The following JAKMIP2 variants were observed in gnomAD, a reference collection of about 807,000 sequenced individuals.
The protein encoded by JAKMIP2 is janus kinase and microtubule interacting protein 2.
JAKMIP2 carries 25 observed loss-of-function variants against 115.0 expected under a neutral mutation model. That is an observed-to-expected ratio of 0.22 (90% CI 0.16 to 0.30). The LOEUF (loss-of-function observed/expected upper bound fraction) is 0.30. JAKMIP2 is among the 10% of genes least tolerant of loss of function. The pLI is 1.00. For synonymous variants in JAKMIP2, 334 were observed against 343.6 expected (o/e 0.97, Z 0.31); for missense variants, 642 against 957.6 (o/e 0.67, Z 4.35).
At chr5:147,730,381 C>G (rs765866805) in intron 1 of JAKMIP2, among the ~76,000 whole-genome samples, 1 of 152,078 alleles carries the variant, frequency 6.6e-6, no homozygotes, top group Non-Finnish European at 1.5e-5. Context: ...CATCTGATCA[C>G]CCTCAATATA....
chr5:147,742,879 C>T (rs936983335), intron 1 of JAKMIP2, among the ~76,000 whole-genome samples: 2 of 151,808 alleles, frequency 1.3e-5, no homozygotes, highest in African/African-American at 4.8e-5. Context: ...AAAAAAAAGT[C>T]TAGCACAATT....
chr5:147,695,847 T>C (rs1200766017), intron 1 of JAKMIP2, among the ~76,000 whole-genome samples: 2 of 152,182 alleles, frequency 1.3e-5, no homozygotes, highest in East Asian at 1.9e-4. Flanking sequence ...TTATATATAA[T>C]AGAAACTTTT....
intron 1 of JAKMIP2, among the ~76,000 whole-genome samples, chr5:147,721,646 G>C (rs1188800823): frequency 3.3e-5 from 5 of 152,194 alleles, no homozygotes; most frequent in Non-Finnish European, 7.4e-5. Context: ...CTTTGACTCG[G>C]AAAGGGAACT....
At chr5:147,606,070 T>A (rs1436255687) in intron 20 of JAKMIP2, among the ~76,000 whole-genome samples, 2 of 152,230 alleles carry the variant, frequency 1.3e-5, no homozygotes, top group East Asian at 3.8e-4. Flanking sequence ...TCCCTGTAGA[T>A]TCTGGATAAC....
At chr5:147,688,066 C>A (rs1010792953) in intron 1 of JAKMIP2, among the ~76,000 whole-genome samples, 1 of 152,080 alleles carries the variant, frequency 6.6e-6, no homozygotes, top group Admixed American at 6.5e-5. Context: ...CTCTTAGGAC[C>A]AGAAACACAA....
intron 1 of JAKMIP2, among the ~76,000 whole-genome samples, chr5:147,775,236 C>G (rs1435185720): frequency 6.6e-6 from 1 of 152,140 alleles, no homozygotes; most frequent in East Asian, 1.9e-4. Flanking sequence ...TTTCAAAACT[C>G]TCATGAAAGC....
intron 12 of JAKMIP2, among the ~76,000 whole-genome samples, chr5:147,635,353 A>G (rs988675573): frequency 4.6e-5 from 7 of 152,132 alleles, no homozygotes; most frequent in Non-Finnish European, 1.0e-4. Context: ...TTTGTTGAGT[A>G]ATTTCCAGGA....
At chr5:147,767,058 AGT>A (rs1200862404) in intron 1 of JAKMIP2, among the ~76,000 whole-genome samples, 2 of 152,168 alleles carry the variant, frequency 1.3e-5, no homozygotes, top group African/African-American at 4.8e-5. Flanking sequence ...AGAAAACAGT[AGT>A]CAATTCCTTT....
At chr5:147,643,680 A>C (rs1279217992) in intron 7 of JAKMIP2, among the ~76,000 whole-genome samples, 6 of 152,192 alleles carry the variant, frequency 3.9e-5, no homozygotes, top group Non-Finnish European at 8.8e-5. Flanking sequence ...CCTGGGAAAC[A>C]AGGTATATAT....
In JAKMIP2 at chr5:147,586,750, C is replaced by G. The variant is rs1236586355; in HGVS notation, c.*4957G>C. On this transcript the variant is annotated 3_prime_UTR_variant, in exon 22 of 22. Coordinates refer to ENST00000616793, the MANE Select transcript of JAKMIP2 (RefSeq NM_001270941.2). ...AGTTTTTTTCCTCTCTCCCTCTTTTCTTTCTTTCTTTTTTTTTTTTTTTTT... is the reference window on the plus strand; with the variant it reads ...AGTTTTTTTCCTCTCTCCCTCTTTTGTTTCTTTCTTTTTTTTTTTTTTTTT... The G allele has an allele frequency of 1.6e-5, 2 of 122,038 alleles. No homozygotes were observed. Among genetic ancestry groups the G allele is most frequent in the Non-Finnish European group, 3.2e-5 (2 of 62,126 alleles). The allele number at this position is 122,038 out of a possible 1,614,324, so 7.6% of individuals were successfully genotyped here. A position where few individuals can be genotyped will look rare whatever the true frequency, so the allele number is the denominator to read the frequency against.
chr5:147,776,841 T>C (rs1347275993), intron 1 of JAKMIP2, among the ~76,000 whole-genome samples: 1 of 152,094 alleles, frequency 6.6e-6, no homozygotes, highest in Non-Finnish European at 1.5e-5. Flanking sequence ...GGCACAAGAA[T>C]CACTTGAATC....
intron 1 of JAKMIP2, among the ~76,000 whole-genome samples, chr5:147,681,601 A>T (rs1345129434): frequency 1.3e-5 from 2 of 152,178 alleles, no homozygotes; most frequent in Non-Finnish European, 1.5e-5. Context: ...TGCCTGGTGG[A>T]GGACATGTGT....
At chr5:147,665,627 C>T (rs1759256418) in intron 2 of JAKMIP2, among the ~76,000 whole-genome samples, 1 of 152,126 alleles carries the variant, frequency 6.6e-6, no homozygotes, top group Admixed American at 6.5e-5. Context: ...TCCTGTTTCA[C>T]TATTTGCTAT....
intron 1 of JAKMIP2, among the ~76,000 whole-genome samples, chr5:147,703,237 C>T (rs1299394180): frequency 6.6e-6 from 1 of 152,098 alleles, no homozygotes; most frequent in Non-Finnish European, 1.5e-5. Context: ...CCACTATACA[C>T]CCAGGCTATA....
chr5:147,671,571 A>G, intron 2 of JAKMIP2, 107 bp downstream of exon 2: 1 of 967,520 alleles, frequency 1.0e-6, no homozygotes, highest in Non-Finnish European at 1.4e-6. Context: ...TCTCTGGCAA[A>G]GGGCAGGAGT....
chr5:147,721,666 C>G (rs982212858), intron 1 of JAKMIP2, among the ~76,000 whole-genome samples: 2 of 152,198 alleles, frequency 1.3e-5, no homozygotes, highest in Non-Finnish European at 2.9e-5. Context: ...TCCCTGACCC[C>G]TTGCGCTTCC....
intron 1 of JAKMIP2, among the ~76,000 whole-genome samples, chr5:147,702,903 A>G (rs534651099): frequency 1.3e-5 from 2 of 152,216 alleles, no homozygotes; most frequent in Admixed American, 6.5e-5. Context: ...TACTTGGGAA[A>G]CTCTGCAATA....
chr5:147,596,500 TTTGAAAG>T (rs1755396491), intron 21 of JAKMIP2, among the ~76,000 whole-genome samples: 1 of 152,238 alleles, frequency 6.6e-6, no homozygotes, highest in Admixed American at 6.5e-5. Context: ...ATGAGTTATC[TTTGAAAG>T]ATACGACAAC....
chr5:147,688,297 G>T (rs925934457), intron 1 of JAKMIP2, among the ~76,000 whole-genome samples: 6 of 152,160 alleles, frequency 3.9e-5, no homozygotes, highest in African/African-American at 1.4e-4. Context: ...ATTTTTTAGG[G>T]TGGTTATAAA....
Sources: allele counts gnomAD v4.1 joint callset (sites outside exome capture counted in the v4.1 genomes callset), GRCh38; gene constraint gnomAD v4.1.1; transcripts MANE v1.5; gene names NCBI Gene and HGNC (gene_info 2026-07-23, HGNC 2026-07-21).